The following DEFB109B variants were observed in gnomAD, a reference collection of about 807,000 sequenced individuals.
DEFB109B encodes the protein defensin beta 109B.
chr8:7,319,171 C>T (rs1803140894), intron 1 of DEFB109B: 1 of 123,754 alleles, frequency 8.1e-6, no homozygotes, highest in Non-Finnish European at 1.6e-5. Context: ...TATGTACAAA[C>T]CAAAATAGCA....
intron 1 of DEFB109B, among the ~76,000 whole-genome samples, chr8:7,315,480 C>A (rs1376430467): frequency 8.7e-6 from 1 of 114,466 alleles, no homozygotes; most frequent in Non-Finnish European, 1.6e-5. Flanking sequence ...GCCTGGGCGA[C>A]AGAGTGAGAC....
chr8:7,310,581 CTGTGTGTGTGTG>C (rs373636252), upstream of DEFB109B, among the ~76,000 whole-genome samples: 2 of 132,016 alleles, frequency 1.5e-5, 1 homozygote, highest in African/African-American at 7.3e-5. Context: ...TTAGGTAATA[CTGTGTGTGTGTG>C]TGTGTGTGTG....
At chr8:7,309,630 C>T (rs1585305689), upstream of DEFB109B, among the ~76,000 whole-genome samples, 1 of 148,046 alleles carries the variant, frequency 6.8e-6, no homozygotes, top group Admixed American at 6.6e-5. Flanking sequence ...TCATGAATCA[C>T]AGGTATAAGA....
chr8:7,318,977 G>A (rs1375306308), intron 1 of DEFB109B: 1 of 146,154 alleles, frequency 6.8e-6, no homozygotes, highest in Non-Finnish European at 1.5e-5. Context: ...AAAGTAGATA[G>A]ATCAAATCTA....
At chr8:7,319,927 A>T (rs993909109) in exon 2 of DEFB109B, 4 of 73,350 alleles carry the variant, frequency 5.5e-5, no homozygotes, top group African/African-American at 3.4e-4. Context: ...ATTATCAAGA[A>T]CCCCTTAAAC....
intron 1 of DEFB109B, among the ~76,000 whole-genome samples, chr8:7,315,306 A>C (rs925078944): frequency 7.5e-6 from 1 of 133,138 alleles, no homozygotes; most frequent in Non-Finnish European, 1.5e-5. Flanking sequence ...TCACGAGGTC[A>C]GTGGCTAACA....
intron 1 of DEFB109B, chr8:7,319,265 G>T (rs1392710005): frequency 7.5e-6 from 1 of 132,860 alleles, no homozygotes; most frequent in Non-Finnish European, 1.5e-5. Context: ...GAGAGAGAGA[G>T]AGAGTGAAAG....
In DEFB109B at chr8:7,315,440, G is replaced by A. The variant is rs1272605562; in HGVS notation, n.58+2537G>A. Among the ~76,000 whole-genome samples the A allele has an allele frequency of 1.6e-4, 21 of 134,426 alleles. 1 individual carries two copies. The highest frequency in any genetic ancestry group is 2.5e-4 in the African/African-American group (7 of 27,490). 88.2% of individuals were successfully genotyped at this position (134,426 alleles called of 152,430 possible). A position where few individuals can be genotyped will look rare whatever the true frequency, so the allele number is the denominator to read the frequency against. ...CTTGAACCCTGGAGGCGGAGGTTGC[G>A]GTGAGCCGAGATCGTGCCATTGCAC... On this transcript the variant is annotated intron_variant and non_coding_transcript_variant, in intron 1 of 1. Transcript: ENST00000382656.
chr8:7,315,333 C>T lies in DEFB109B; in HGVS notation n.58+2430C>T, dbSNP rs570967193. Among the ~76,000 whole-genome samples the T allele has an allele frequency of 8.5e-4, 116 of 136,036 alleles. 17 individuals are homozygous for T. The highest frequency in any genetic ancestry group is 4.0e-3 in the African/African-American group (108 of 27,038). 89.2% of individuals were successfully genotyped at this position (136,036 alleles called of 152,430 possible). Reference sequence around the variant, plus strand: ...TGGCTAACACGGTGAAACCCTTTCTCTACTAAATACAAAAAATTAGCCGGG... The same window carrying T: ...TGGCTAACACGGTGAAACCCTTTCTTTACTAAATACAAAAAATTAGCCGGG... On this transcript the variant is annotated intron_variant and non_coding_transcript_variant, in intron 1 of 1. Coordinates refer to ENST00000382656, the Ensembl canonical transcript of DEFB109B.
chr8:7,315,538 G>GAGAA (rs1230289800), intron 1 of DEFB109B, among the ~76,000 whole-genome samples: 1 of 132,846 alleles, frequency 7.5e-6, no homozygotes, highest in East Asian at 2.1e-4. Context: ...AAGAAAGAAA[G>GAGAA]AGAAAGAAAG....
rs1036289748 is a variant in DEFB109B at position 7,317,007 on chromosome 8, AT to A, written n.59-2733del. ...TGTTTTTACATCTTTGTAATAGTAG[AT>A]TTTTTCTTTAAACAATCGATACACA... On this transcript the variant is annotated intron_variant and non_coding_transcript_variant, in intron 1 of 1. Coordinates refer to ENST00000382656, the Ensembl canonical transcript of DEFB109B. Among the ~76,000 whole-genome samples, 135 of 125,678 alleles carry A rather than the reference AT, an allele frequency of 1.1e-3. 6 individuals carry two copies. The highest frequency in any genetic ancestry group is 5.4e-3 in the African/African-American group (127 of 23,528). 82.4% of individuals were successfully genotyped at this position (125,678 alleles called of 152,430 possible).
chr8:7,319,441 G>C (rs972361374), intron 1 of DEFB109B: 5 of 142,400 alleles, frequency 3.5e-5, no homozygotes, highest in African/African-American at 1.5e-4. Context: ...GAAGACACTG[G>C]CATTTTTTGC....
rs548672428 is a variant in DEFB109B at position 7,319,646 on chromosome 8, T to G, written n.59-100T>G. ...AGCAACCATGTCAAGAGCTCCCACATAAAAACGTTCATACTAAATTTATTC... is the reference window on the plus strand; with the variant it reads ...AGCAACCATGTCAAGAGCTCCCACAGAAAAACGTTCATACTAAATTTATTC... On this transcript the variant is annotated intron_variant and non_coding_transcript_variant, in intron 1 of 1. Transcript: ENST00000382656. 1.3e-3 allele frequency: 187 copies of G among 145,300 alleles called. 2 individuals are homozygous for G. The highest frequency in any genetic ancestry group is 2.0e-3 in the Non-Finnish European group (138 of 67,812). The allele number at this position is 145,300 out of a possible 1,614,324, so 9.0% of individuals were successfully genotyped here. A position where few individuals can be genotyped will look rare whatever the true frequency, so the allele number is the denominator to read the frequency against.
upstream of DEFB109B, among the ~76,000 whole-genome samples, chr8:7,312,012 A>T (rs1430757849): frequency 7.8e-6 from 1 of 128,192 alleles, no homozygotes; most frequent in Non-Finnish European, 1.5e-5. Context: ...TAAGTGTTAA[A>T]TGGGTTCATG....
intron 1 of DEFB109B, 76 bp from the exon 2 acceptor site, chr8:7,319,670 T>A (rs1803192171): frequency 6.8e-6 from 1 of 147,066 alleles, no homozygotes; most frequent in Admixed American, 6.6e-5. Flanking sequence ...CTAAATTTAT[T>A]CTGTTACTTA....
At chr8:7,309,960 T>G (rs1336363304), upstream of DEFB109B, among the ~76,000 whole-genome samples, 1 of 38,308 alleles carries the variant, frequency 2.6e-5, no homozygotes. Context: ...TTCCAAAGTT[T>G]TCAACAGAAA....
At chr8:7,316,724 T>C (rs1802959593) in intron 1 of DEFB109B, among the ~76,000 whole-genome samples, 2 of 144,046 alleles carry the variant, frequency 1.4e-5, no homozygotes, top group South Asian at 4.2e-4. Flanking sequence ...CCTCCTGGGT[T>C]CAAGTGATTC....
intron 1 of DEFB109B, among the ~76,000 whole-genome samples, chr8:7,317,413 C>G (rs1803026455): frequency 6.8e-6 from 1 of 147,748 alleles, no homozygotes; most frequent in Non-Finnish European, 1.5e-5. Context: ...GCCTAGTGCT[C>G]AAGCTCCAGT....
chr8:7,319,140 GA>G (rs1290459577), intron 1 of DEFB109B: 10 of 108,744 alleles, frequency 9.2e-5, no homozygotes, highest in Admixed American at 9.2e-5. Flanking sequence ...CTCCCCCAAA[GA>G]AAAAAAATAT....
Sources: allele counts gnomAD v4.1 joint callset (sites outside exome capture counted in the v4.1 genomes callset), GRCh38; gene constraint gnomAD v4.1.1; transcripts MANE v1.5; gene names NCBI Gene and HGNC (gene_info 2026-07-23, HGNC 2026-07-21).